Variants in CXXC4 observed in about 807,000 individuals in gnomAD.
CXXC4 encodes the protein CXXC finger protein 4.
In CXXC4, 5 loss-of-function variants were observed where a neutral mutation model predicts 20.5. The ratio of observed to expected loss-of-function variants is 0.24; its 90% CI spans 0.13 to 0.51. The LOEUF is 0.51. Among genes scored for constraint, CXXC4 ranks in the 20% least tolerant of loss-of-function variants. The pLI is 0.97. For synonymous variants in CXXC4, 250 were observed against 216.4 expected (o/e 1.16, Z -1.36); for missense variants, 419 against 496.4 (o/e 0.84, Z 1.48).
intron 2 of CXXC4, 78 bp downstream of exon 2, chr4:104,490,666 A>G: frequency 7.7e-7 from 1 of 1,296,192 alleles, no homozygotes; most frequent in South Asian, 1.4e-5. Context: ...TCTTGAAGCC[A>G]GACAAGAATC....
At chr4:104,482,082 C>G (rs535801806) in intron 2 of CXXC4, among the ~76,000 whole-genome samples, 2 of 152,160 alleles carry the variant, frequency 1.3e-5, no homozygotes, top group Non-Finnish European at 2.9e-5. Context: ...GTGTACATAA[C>G]TGAAACAGAA....
At chr4:104,477,274 T>C (rs536635002) in intron 2 of CXXC4, among the ~76,000 whole-genome samples, 18 of 152,292 alleles carry the variant, frequency 1.2e-4, no homozygotes, top group African/African-American at 4.3e-4. Context: ...AGCAGGTTGC[T>C]GATGGTGAAA....
At position 104,490,942 on chromosome 4, in the gene CXXC4, G is replaced by C. The variant is rs372212419; in HGVS notation, c.861C>G (p.Ser287=). ...LADCPQNHSS[S]SSSSSGGAGG... is the part of the protein sequence containing the mutation. Reference sequence around the variant, plus strand: ...CAGCTCCCCCTGAGGAGGACGAGGAGGAGGAGGAATGATTCTGCGGGCAGT... The same window carrying C: ...CAGCTCCCCCTGAGGAGGACGAGGACGAGGAGGAATGATTCTGCGGGCAGT... Residue 287 remains serine, a synonymous_variant, in exon 2 of 3, where the codon TCC becomes TCG. Coordinates refer to ENST00000394767, the MANE Select transcript of CXXC4 (RefSeq NM_025212.4). 1.6e-5 allele frequency: 26 copies of C among 1,614,016 alleles called. No homozygotes were observed. Among genetic ancestry groups the C allele is most frequent in the Non-Finnish European group, 2.1e-5 (25 of 1,180,024 alleles).
At chr4:104,486,844 C>T (rs1736710858) in intron 2 of CXXC4, among the ~76,000 whole-genome samples, 1 of 152,128 alleles carries the variant, frequency 6.6e-6, no homozygotes, top group Admixed American at 6.6e-5. Context: ...CCTCAGGAGG[C>T]AGGTGCCACC....
intron 2 of CXXC4, 47 bp downstream of exon 2, chr4:104,490,697 A>G (rs747043891): frequency 6.7e-7 from 1 of 1,493,618 alleles, no homozygotes; most frequent in Admixed American, 1.8e-5. Flanking sequence ...AGAGGGAGTG[A>G]GGAGGGAAGG....
chr4:104,476,079 T>C (rs1736395440), intron 2 of CXXC4, among the ~76,000 whole-genome samples: 1 of 152,138 alleles, frequency 6.6e-6, no homozygotes, highest in South Asian at 2.1e-4. Context: ...TGTTTCTCCC[T>C]AAATTACATT....
chr4:104,491,458 C>CCCGCCG lies in CXXC4; in HGVS notation c.339_344dup (p.Gly133_Gly134dup), dbSNP rs1291463076. On this transcript the variant is annotated inframe_insertion, in exon 2 of 3. Transcript: ENST00000394767. ...CGCCGCCGCCGCCGCCGCCACCCCC[C>CCCGCCG]CCGCCGCCGCCCCCGCCCCCGCCGC... The CCCGCCG allele has an allele frequency of 2.7e-5, 24 of 885,094 alleles. No homozygotes were observed. The South Asian group carries it at 3.1e-4, about 12-fold the overall frequency. The allele number at this position is 885,094 out of a possible 1,614,324, so 54.8% of individuals were successfully genotyped here.
intron 2 of CXXC4, among the ~76,000 whole-genome samples, chr4:104,475,867 G>C (rs1025475182): frequency 7.9e-5 from 12 of 152,094 alleles, no homozygotes; most frequent in African/African-American, 2.9e-4. Flanking sequence ...ATAGAATTGA[G>C]TTGATCGGCA....
At chr4:104,474,839 G>C (rs1173122072) in intron 2 of CXXC4, among the ~76,000 whole-genome samples, 2 of 152,010 alleles carry the variant, frequency 1.3e-5, no homozygotes, top group Admixed American at 1.3e-4. Context: ...TTTTTTAAAT[G>C]AGATGAAGTC....
At chr4:104,490,579 G>A (rs1736818765) in intron 2 of CXXC4, among the ~76,000 whole-genome samples, 165 bp downstream of exon 2, 1 of 152,218 alleles carries the variant, frequency 6.6e-6, no homozygotes, top group East Asian at 1.9e-4. Flanking sequence ...TGGTGCGGGT[G>A]GTGGAGAGGC....
chr4:104,489,355 T>C (rs919867686), intron 2 of CXXC4, among the ~76,000 whole-genome samples: 3 of 152,242 alleles, frequency 2.0e-5, no homozygotes, highest in East Asian at 1.9e-4. Flanking sequence ...AAAAAAAAAC[T>C]GTATCTTCTT....
chr4:104,485,007 G>A (rs1037012012), intron 2 of CXXC4, among the ~76,000 whole-genome samples: 2 of 151,816 alleles, frequency 1.3e-5, no homozygotes, highest in Admixed American at 6.6e-5. Flanking sequence ...TGTTAAAAAT[G>A]GTCAGAAACA....
At chr4:104,494,431 A>G (rs1736986075) in intron 1 of CXXC4, 1 of 152,150 alleles carries the variant, frequency 6.6e-6, no homozygotes, top group African/African-American at 2.4e-5. Flanking sequence ...TTAATAATCT[A>G]CTTTCACAAT....
chr4:104,476,121 T>G (rs1411718339), intron 2 of CXXC4, among the ~76,000 whole-genome samples: 1 of 152,120 alleles, frequency 6.6e-6, no homozygotes, highest in Admixed American at 6.6e-5. Flanking sequence ...AATAAAAGAA[T>G]GATAAAACCT....
intron 2 of CXXC4, among the ~76,000 whole-genome samples, chr4:104,484,067 G>A (rs1338863193): frequency 6.6e-6 from 1 of 151,904 alleles, no homozygotes; most frequent in Admixed American, 6.6e-5. Context: ...ATAGACATCA[G>A]GGCTTTAATG....
chr4:104,472,602 A>T (rs949444380), intron 2 of CXXC4, among the ~76,000 whole-genome samples: 1 of 152,016 alleles, frequency 6.6e-6, no homozygotes, highest in Non-Finnish European at 1.5e-5. Context: ...ATTGGTTTAA[A>T]AATATAGGAA....
At position 104,471,505 on chromosome 4, in the gene CXXC4, T is replaced by C. The variant is rs1365999686; in HGVS notation, c.*817A>G. 2 of 152,048 alleles carry C rather than the reference T, an allele frequency of 1.3e-5. No homozygotes were observed. Among genetic ancestry groups the C allele is most frequent in the African/African-American group, 2.4e-5 (1 of 41,432 alleles). The allele number at this position is 152,048 out of a possible 1,614,324, so 9.4% of individuals were successfully genotyped here. A position where few individuals can be genotyped will look rare whatever the true frequency, so the allele number is the denominator to read the frequency against. ...CTACTCTGAGTACTCTGCCTTACAG[T>C]GCAACCCAAGACAAGTCAACTACAC... On this transcript the variant is annotated 3_prime_UTR_variant, in exon 3 of 3. Coordinates refer to ENST00000394767, the MANE Select transcript of CXXC4 (RefSeq NM_025212.4).
At chr4:104,477,844 C>A (rs986000109) in intron 2 of CXXC4, among the ~76,000 whole-genome samples, 1 of 151,884 alleles carries the variant, frequency 6.6e-6, no homozygotes, top group Non-Finnish European at 1.5e-5. Flanking sequence ...TAATGTATAG[C>A]AGATTAATTT....
At chr4:104,474,239 T>C (rs945104447) in intron 2 of CXXC4, among the ~76,000 whole-genome samples, 1 of 151,988 alleles carries the variant, frequency 6.6e-6, no homozygotes. Flanking sequence ...TGTTATAAGA[T>C]GGTTTCATTG....
Sources: gnomAD v4.1 joint callset for allele counts (sites outside exome capture counted in the v4.1 genomes callset) on GRCh38, gnomAD v4.1.1 for gene constraint, MANE v1.5 for transcripts, NCBI Gene and HGNC (gene_info 2026-07-23, HGNC 2026-07-21) for gene names.